The following PIK3R5 variants were observed in gnomAD, a reference collection of about 807,000 sequenced individuals.
PIK3R5 encodes phosphoinositide-3-kinase regulatory subunit 5, also known as phosphoinositide 3-kinase regulatory subunit 5.
Under a neutral mutation model 94.9 loss-of-function variants are expected in PIK3R5, and 32 were observed. That is an observed-to-expected ratio of 0.34 (90% CI 0.25 to 0.45). The LOEUF (loss-of-function observed/expected upper bound fraction) is 0.45, where lower values mean the gene tolerates loss of function less well. Ranked by LOEUF, PIK3R5 falls within the 20% of genes least tolerant of loss-of-function variation. PIK3R5 has a pLI of 1.00. For synonymous variants in PIK3R5, 443 were observed against 479.4 expected, an observed-to-expected ratio of 0.92 and a Z score of 0.99; for missense variants, 853 against 1,144.6, an observed-to-expected ratio of 0.75 and a Z score of 3.68.
intron 1 of PIK3R5, among the ~76,000 whole-genome samples, chr17:8,951,575 A>T (rs2091377184): frequency 6.6e-6 from 1 of 152,222 alleles, no homozygotes; most frequent in Non-Finnish European, 1.5e-5. Context: ...CATGTGTTTG[A>T]ACCTCATTCC....
At chr17:8,942,960 T>TCACACACACACA (rs1222350996) in intron 1 of PIK3R5, among the ~76,000 whole-genome samples, 2 of 34,198 alleles carry the variant, frequency 5.8e-5, no homozygotes, top group Admixed American at 3.0e-4. Context: ...GCAGATCACG[T>TCACACACACACA]CATACACACA....
At chr17:8,898,625 G>A (rs1044355006) in intron 5 of PIK3R5, among the ~76,000 whole-genome samples, 4 of 152,198 alleles carry the variant, frequency 2.6e-5, no homozygotes, top group African/African-American at 2.4e-5. Flanking sequence ...CCAGGGAGGT[G>A]TTCTGAGGGT....
At chr17:8,900,690 T>G (rs997379646) in intron 5 of PIK3R5, among the ~76,000 whole-genome samples, 6 of 152,220 alleles carry the variant, frequency 3.9e-5, no homozygotes, top group Non-Finnish European at 7.3e-5. Context: ...GCTGCTGCCC[T>G]GCCTGGCCCT....
At chr17:8,948,042 TAAAAAAAAAAAAA>T (rs71135932) in intron 1 of PIK3R5, among the ~76,000 whole-genome samples, 3 of 62,782 alleles carry the variant, frequency 4.8e-5, no homozygotes, top group South Asian at 6.0e-4. Flanking sequence ...GACTCCGTCT[TAAAAAAAAAAAAA>T]AAAAAAAAAA....
At chr17:8,943,291 C>T (rs150621107) in intron 1 of PIK3R5, among the ~76,000 whole-genome samples, 31 of 152,078 alleles carry the variant, frequency 2.0e-4, no homozygotes, top group Non-Finnish European at 3.1e-4. Flanking sequence ...AGTCTCAATA[C>T]GTTGTCCAGG....
At chr17:8,917,053 T>C (rs1401250645) in intron 1 of PIK3R5, among the ~76,000 whole-genome samples, 1 of 152,178 alleles carries the variant, frequency 6.6e-6, no homozygotes, top group African/African-American at 2.4e-5. Flanking sequence ...CTCCCTTCTC[T>C]GCCCCAGTCC....
chr17:8,953,942 G>A (rs919700444), intron 1 of PIK3R5, among the ~76,000 whole-genome samples: 10 of 152,098 alleles, frequency 6.6e-5, no homozygotes, highest in African/African-American at 2.4e-4. Context: ...AGATATGCAC[G>A]GAGAGAGTGT....
chr17:8,890,772 T>C lies in PIK3R5; in HGVS notation c.623A>G (p.His208Arg), dbSNP rs766050477. The C allele has an allele frequency of 5.6e-6, 9 of 1,612,152 alleles. No homozygotes were observed. The Admixed American group carries it at 1.5e-4, about 27-fold the overall frequency. The change falls in exon 7 of 19, where the codon CAC (histidine) becomes CGC (arginine). Residue 208 changes from histidine to arginine, a missense_variant. His to Arg is a conservative substitution (Grantham distance 29, BLOSUM62 0). Coordinates refer to ENST00000447110, the MANE Select transcript of PIK3R5 (RefSeq NM_001142633.3). This position sits in a 1 kb window ranked among gnomAD's most constrained non-coding sequence, Gnocchi z 6.1. ...LHAFQATFGAHCDVPGLHCRL... is the reference protein window; with the variant it reads ...LHAFQATFGARCDVPGLHCRL... Reference sequence around the variant, plus strand: ...GCAGTGCAGGCCCGGGACGTCACAGTGGGCCCCAAAGGTGGCCTGGAAGGC... The same window carrying C: ...GCAGTGCAGGCCCGGGACGTCACAGCGGGCCCCAAAGGTGGCCTGGAAGGC...
At chr17:8,921,708 C>T (rs1481534659) in intron 1 of PIK3R5, among the ~76,000 whole-genome samples, 5 of 151,592 alleles carry the variant, frequency 3.3e-5, no homozygotes, top group Admixed American at 1.3e-4. Context: ...TTGAGGGACA[C>T]GAAAAAGCAA....
chr17:8,946,503 TCA>T (rs1224171308), intron 1 of PIK3R5, among the ~76,000 whole-genome samples: 2 of 151,488 alleles, frequency 1.3e-5, no homozygotes. Context: ...TCCAAGATAA[TCA>T]CAGCAATTCA....
In PIK3R5 at chr17:8,884,629, A is replaced by G. The variant is rs2089766386; in HGVS notation, c.2205+78T>C. 3.4e-6 allele frequency: 4 copies of G among 1,166,268 alleles called. No homozygotes were observed. The highest frequency in any genetic ancestry group is 5.1e-6 in the Non-Finnish European group (4 of 784,846). 72.2% of individuals were successfully genotyped at this position (1,166,268 alleles called of 1,614,324 possible). A position where few individuals can be genotyped will look rare whatever the true frequency, so the allele number is the denominator to read the frequency against. ...CTGGGGCCCAGGAACACACGAGTCCAGCTCTGGGTCCAAGCTCTGGCGGAG... is the reference window on the plus strand; with the variant it reads ...CTGGGGCCCAGGAACACACGAGTCCGGCTCTGGGTCCAAGCTCTGGCGGAG... On this transcript the variant is annotated intron_variant, in intron 15 of 18. Coordinates refer to ENST00000447110, the MANE Select transcript of PIK3R5 (RefSeq NM_001142633.3). The surrounding 1 kb of genome is among the most constrained non-coding windows in gnomAD (Gnocchi z 5.8).
At chr17:8,912,227 C>T (rs1427261956) in intron 1 of PIK3R5, among the ~76,000 whole-genome samples, 1 of 152,100 alleles carries the variant, frequency 6.6e-6, no homozygotes, top group African/African-American at 2.4e-5. Flanking sequence ...GTATGGGGAA[C>T]TGAGAGCCCC....
At position 8,935,697 on chromosome 17, in the gene PIK3R5, G is replaced by T. The variant is rs2091059947; in HGVS notation, c.-13-24190C>A. Among the ~76,000 whole-genome samples the T allele has an allele frequency of 6.6e-6, 1 of 152,138 alleles. No individual in the cohort carries two copies. Among genetic ancestry groups the T allele is most frequent in the Non-Finnish European group, 1.5e-5 (1 of 68,024 alleles). Reference sequence around the variant, plus strand: ...TGAGGAAGGTTTGTGGCAGGAAAGTGAACAGCTCTGAGCTCCCGGACAGCT... The same window carrying T: ...TGAGGAAGGTTTGTGGCAGGAAAGTTAACAGCTCTGAGCTCCCGGACAGCT... On this transcript the variant is annotated intron_variant, in intron 1 of 18. Coordinates refer to ENST00000447110, the MANE Select transcript of PIK3R5 (RefSeq NM_001142633.3). The surrounding 1 kb of genome is among the most constrained non-coding windows in gnomAD (Gnocchi z 4.5).
chr17:8,886,191 C>A (rs750893114), intron 14 of PIK3R5, 38 bp downstream of exon 14: 2 of 1,512,324 alleles, frequency 1.3e-6, no homozygotes, highest in South Asian at 1.1e-5. Context: ...CGTCCCAGGC[C>A]CCGCCTCACC....
rs1367570162 is a variant in PIK3R5 at position 8,880,656 on chromosome 17, T to C, written c.2626A>G (p.Ser876Gly). ...SLLCLPIMTF[S>G]GALP ...GGCCCACACTAGGGCAGAGCTCCAC[T>C]GAAAGTCATGATGGGCAGGCAGAGA... Residue 876 changes from serine (S) to glycine (G), a missense_variant, in exon 19 of 19, where the codon AGT becomes GGT. Ser to Gly is a moderately conservative substitution (Grantham distance 56). Transcript: ENST00000447110. 9 of 1,610,968 alleles carry C rather than the reference T, an allele frequency of 5.6e-6. No individual in the cohort carries two copies. Among genetic ancestry groups the C allele is most frequent in the South Asian group, 1.1e-5 (1 of 90,462 alleles).
rs1410571037 is a variant in PIK3R5 at position 8,904,142 on chromosome 17, G to A, written c.412+635C>T. On this transcript the variant is annotated intron_variant, in intron 5 of 18. Transcript: ENST00000447110. This position sits in a 1 kb window ranked among gnomAD's most constrained non-coding sequence, Gnocchi z 5.1. ...AATTTATTCCTTTGAGTACTGATTC[G>A]CTGAGCCGCTTCTCAGTAAATCACA... 2.0e-5 allele frequency among the ~76,000 whole-genome samples: 3 copies of A among 152,158 alleles called. No homozygotes were observed. Among genetic ancestry groups the A allele is most frequent in the Non-Finnish European group, 2.9e-5 (2 of 68,028 alleles).
At chr17:8,887,017 C>T in intron 12 of PIK3R5, 79 bp downstream of exon 12, 1 of 1,552,476 alleles carries the variant, frequency 6.4e-7, no homozygotes, top group South Asian at 1.2e-5. Context: ...AAGCCTGATT[C>T]CCTAAATCCA....
intron 1 of PIK3R5, among the ~76,000 whole-genome samples, chr17:8,924,669 T>G (rs1482280063): frequency 1.3e-5 from 2 of 152,170 alleles, no homozygotes; most frequent in African/African-American, 2.4e-5. Context: ...TAGTCTCCTT[T>G]TTACTCTCTT....
rs187343918 is a variant in PIK3R5, at chr17:8,945,412, C to T, written c.-14+20184G>A. Among the ~76,000 whole-genome samples the T allele has an allele frequency of 2.4e-3, 359 of 152,266 alleles. No homozygotes were observed. Among genetic ancestry groups the T allele is most frequent in the African/African-American group, 8.4e-3 (347 of 41,546 alleles). On this transcript the variant is annotated intron_variant, in intron 1 of 18. Transcript: ENST00000447110. The surrounding 1 kb of genome is among the most constrained non-coding windows in gnomAD (Gnocchi z 4.0). ...AGAAACTGGTCCCAGGGCTGTATTC[C>T]CTCCACCTGGCAGCCCCTTGGCTAC...
Sources: allele counts gnomAD v4.1 joint callset (sites outside exome capture counted in the v4.1 genomes callset), GRCh38; gene constraint gnomAD v4.1.1; non-coding constraint Gnocchi (gnomAD v3.1); transcripts MANE v1.5; gene names NCBI Gene and HGNC (gene_info 2026-07-23, HGNC 2026-07-21).